The following LRRTM4 variants were observed in gnomAD, a reference collection of about 807,000 sequenced individuals.
LRRTM4 encodes leucine rich repeat transmembrane neuronal 4.
A neutral mutation model predicts 47.6 loss-of-function variants in LRRTM4; 25 were observed. The observed-to-expected ratio is 0.53, with a 90% CI of 0.38 to 0.73. LRRTM4 has a LOEUF of 0.73. Ranked by LOEUF, LRRTM4 falls within the 30% of genes least tolerant of loss-of-function variation. The pLI is 0.00. For missense variants in LRRTM4, 638 were observed against 713.4 expected (o/e 0.89, Z 1.20); for synonymous variants, 311 against 269.5 (o/e 1.15, Z -1.51).
At chr2:77,063,266 T>A (rs1270560969) in intron 3 of LRRTM4, among the ~76,000 whole-genome samples, 1 of 152,176 alleles carries the variant, frequency 6.6e-6, no homozygotes, top group Non-Finnish European at 1.5e-5. Flanking sequence ...CCTCCCCTTG[T>A]TCTTTTTATG....
At chr2:77,489,680 C>T (rs940774900) in intron 3 of LRRTM4, among the ~76,000 whole-genome samples, 2 of 152,122 alleles carry the variant, frequency 1.3e-5, no homozygotes, top group Non-Finnish European at 2.9e-5. Context: ...TTACAACATG[C>T]AAGAATTGTA....
intron 3 of LRRTM4, among the ~76,000 whole-genome samples, chr2:76,762,469 C>G (rs941267024): frequency 1.3e-5 from 2 of 152,110 alleles, no homozygotes; most frequent in African/African-American, 4.8e-5. Flanking sequence ...TACTAACTAC[C>G]CTTCACCCCA....
chr2:77,350,123 C>A (rs13005038), intron 3 of LRRTM4, among the ~76,000 whole-genome samples: 72,020 of 149,004 alleles, frequency 0.48, 20,182 homozygotes, highest in Non-Finnish European at 0.63. Context: ...GAGATCGAGA[C>A]CATCCTGGCT....
Position 77,218,215 on chromosome 2 carries a change from A to C in LRRTM4, c.1551+300103T>G, listed in dbSNP as rs557092640. ...CTTCATGTTGGTCAGGCTGGTCTCG[A>C]ACTCCCCACCTCAGGCGATCTGCCC... On this transcript the variant is annotated intron_variant, in intron 3 of 3. Coordinates refer to ENST00000409884, the MANE Select transcript of LRRTM4 (RefSeq NM_001134745.3). Among the ~76,000 whole-genome samples the C allele has an allele frequency of 9.7e-4, 148 of 152,196 alleles. 2 individuals are homozygous for C. The highest frequency in any genetic ancestry group is 3.2e-3 in the African/African-American group (134 of 41,538).
chr2:77,081,341 T>A (rs907334105), intron 3 of LRRTM4, among the ~76,000 whole-genome samples: 2 of 151,728 alleles, frequency 1.3e-5, no homozygotes, highest in African/African-American at 2.4e-5. Context: ...AAGTACATTT[T>A]AAAATATATT....
At chr2:76,934,324 T>A (rs1053748779) in intron 3 of LRRTM4, among the ~76,000 whole-genome samples, 1 of 152,180 alleles carries the variant, frequency 6.6e-6, no homozygotes, top group Non-Finnish European at 1.5e-5. Flanking sequence ...ATGGAGTAAC[T>A]GTGTTAAAGG....
intron 3 of LRRTM4, among the ~76,000 whole-genome samples, chr2:77,177,292 C>T (rs542840451): frequency 5.3e-5 from 8 of 152,272 alleles, no homozygotes; most frequent in East Asian, 1.9e-4. Flanking sequence ...CTGTGACACT[C>T]GCAAGCCATA....
At chr2:77,060,916 G>A (rs57895834) in intron 3 of LRRTM4, among the ~76,000 whole-genome samples, 20,248 of 151,928 alleles carry the variant, frequency 0.13, 1,417 homozygotes, top group Non-Finnish European at 0.15. Context: ...TTTATTCTAT[G>A]CATCTGACTT....
intron 3 of LRRTM4, among the ~76,000 whole-genome samples, chr2:76,999,243 G>C (rs2104017522): frequency 6.6e-6 from 1 of 152,144 alleles, no homozygotes; most frequent in Non-Finnish European, 1.5e-5. Context: ...GCAGCTGTGG[G>C]TATGATCCAA....
intron 3 of LRRTM4, among the ~76,000 whole-genome samples, chr2:77,073,484 C>G (rs1164505228): frequency 1.3e-5 from 2 of 151,826 alleles, no homozygotes; most frequent in Non-Finnish European, 2.9e-5. Context: ...TTTGTTTTTT[C>G]TATGTTATAA....
chr2:77,285,668 A>G (rs531663018), intron 3 of LRRTM4, among the ~76,000 whole-genome samples: 1 of 151,902 alleles, frequency 6.6e-6, no homozygotes, highest in Admixed American at 6.6e-5. Flanking sequence ...CTTGAACTCC[A>G]GAGGCAGAGG....
At chr2:77,355,179 A>G (rs1329700438) in intron 3 of LRRTM4, among the ~76,000 whole-genome samples, 1 of 152,210 alleles carries the variant, frequency 6.6e-6, no homozygotes, top group Admixed American at 6.5e-5. Flanking sequence ...ATTATACCAT[A>G]TGTATATGTA....
chr2:77,378,038 T>A (rs1217636676), intron 3 of LRRTM4, among the ~76,000 whole-genome samples: 2 of 151,952 alleles, frequency 1.3e-5, no homozygotes, highest in Non-Finnish European at 2.9e-5. Flanking sequence ...TTTGCACAGG[T>A]TTTCAGACTT....
intron 3 of LRRTM4, among the ~76,000 whole-genome samples, chr2:77,262,506 T>TG: frequency 2.5e-5 from 3 of 120,774 alleles, no homozygotes; most frequent in African/African-American, 2.2e-4. Context: ...TTTTACCTAA[T>TG]TTTTTTTTTC....
intron 3 of LRRTM4, among the ~76,000 whole-genome samples, chr2:77,023,731 T>G (rs1224979892): frequency 2.0e-5 from 3 of 152,228 alleles, no homozygotes; most frequent in African/African-American, 7.2e-5. Flanking sequence ...AACCAGCATT[T>G]TGGTCAAAGC....
chr2:77,137,461 G>A (rs1042231957), intron 3 of LRRTM4, among the ~76,000 whole-genome samples: 1 of 151,878 alleles, frequency 6.6e-6, no homozygotes, highest in Non-Finnish European at 1.5e-5. Context: ...CCCTACAGGA[G>A]CACCTGAAGG....
At chr2:77,242,482 C>T (rs1232004132) in intron 3 of LRRTM4, among the ~76,000 whole-genome samples, 1 of 151,980 alleles carries the variant, frequency 6.6e-6, no homozygotes, top group Non-Finnish European at 1.5e-5. Context: ...CACAAAAAAT[C>T]TTATTTTCAA....
At chr2:77,214,025 C>T (rs986918823) in intron 3 of LRRTM4, among the ~76,000 whole-genome samples, 19 of 151,904 alleles carry the variant, frequency 1.3e-4, no homozygotes, top group Non-Finnish European at 2.4e-4. Context: ...TAGGGACTCA[C>T]AGTTCTCCTG....
chr2:77,204,865 T>C (rs1674076743), intron 3 of LRRTM4, among the ~76,000 whole-genome samples: 1 of 152,126 alleles, frequency 6.6e-6, no homozygotes, highest in South Asian at 2.1e-4. Flanking sequence ...CCACCCACTC[T>C]CAACTCAGGT....
Sources: allele counts gnomAD v4.1 joint callset (sites outside exome capture counted in the v4.1 genomes callset), GRCh38; gene constraint gnomAD v4.1.1; transcripts MANE v1.5; gene names NCBI Gene and HGNC (gene_info 2026-07-23, HGNC 2026-07-21).